IMMP2L: variants seen among roughly 807,000 people sequenced by gnomAD.
IMMP2L encodes mitochondrial inner membrane protease subunit 2.
A neutral mutation model predicts 19.3 loss-of-function variants in IMMP2L; 18 were observed. The ratio of observed to expected loss-of-function variants is 0.93; its 90% CI spans 0.64 to 1.38. The LOEUF (loss-of-function observed/expected upper bound fraction) is 1.38, where lower values mean the gene tolerates loss of function less well. Among genes scored for constraint, IMMP2L ranks in the 40% most tolerant of loss-of-function variants. The probability of loss-of-function intolerance (pLI) is 0.00; values close to 1 mark genes in which losing one functional copy is unlikely to be tolerated. For synonymous variants in IMMP2L, 76 were observed against 73.0 expected, an observed-to-expected ratio of 1.04 and a Z score of -0.21; for missense variants, 233 against 218.2, an observed-to-expected ratio of 1.07 and a Z score of -0.43.
intron 3 of IMMP2L, among the ~76,000 whole-genome samples, chr7:111,345,154 C>G (rs1827411636): frequency 6.6e-6 from 1 of 152,090 alleles, no homozygotes; most frequent in Admixed American, 6.6e-5. Context: ...ACATTATCCA[C>G]ATTTTAAGAT....
At chr7:111,508,021 A>T (rs931032073) in intron 2 of IMMP2L, among the ~76,000 whole-genome samples, 1 of 152,140 alleles carries the variant, frequency 6.6e-6, no homozygotes, top group Non-Finnish European at 1.5e-5. Flanking sequence ...ACACAAATCA[A>T]TGAGGGAGGC....
At chr7:111,157,125 T>C (rs1179203651) in intron 3 of IMMP2L, among the ~76,000 whole-genome samples, 3 of 152,038 alleles carry the variant, frequency 2.0e-5, no homozygotes, top group Admixed American at 2.0e-4. Flanking sequence ...GCACTGTTGG[T>C]GGGAATGTAA....
At chr7:111,357,971 C>G (rs1828880176) in intron 3 of IMMP2L, among the ~76,000 whole-genome samples, 1 of 151,840 alleles carries the variant, frequency 6.6e-6, no homozygotes, top group African/African-American at 2.4e-5. Context: ...CAAGCCACAG[C>G]AAGCCAAGGT....
At chr7:110,947,572 G>A (rs769560611) in intron 4 of IMMP2L, among the ~76,000 whole-genome samples, 1 of 152,140 alleles carries the variant, frequency 6.6e-6, no homozygotes, top group Non-Finnish European at 1.5e-5. Flanking sequence ...CCAGGGTTTT[G>A]TAAAGCTTAC....
intron 5 of IMMP2L, among the ~76,000 whole-genome samples, chr7:110,847,416 G>T (rs1194523935): frequency 1.3e-5 from 2 of 151,966 alleles, no homozygotes; most frequent in African/African-American, 4.8e-5. Context: ...TTTAATACAC[G>T]CTCATTTGAG....
chr7:111,235,008 T>TTATATAG (rs1415101509), intron 3 of IMMP2L, among the ~76,000 whole-genome samples: 1 of 152,130 alleles, frequency 6.6e-6, no homozygotes, highest in Non-Finnish European at 1.5e-5. Context: ...CTTTATTCCT[T>TTATATAG]TATATAGTCC....
At chr7:110,950,314 G>A (rs1209728504) in intron 4 of IMMP2L, among the ~76,000 whole-genome samples, 1 of 151,998 alleles carries the variant, frequency 6.6e-6, no homozygotes, top group East Asian at 1.9e-4. Context: ...TGTTTCATTG[G>A]TCTATAGGTA....
chr7:111,110,245 A>C (rs1179336840), intron 3 of IMMP2L, among the ~76,000 whole-genome samples: 1 of 152,228 alleles, frequency 6.6e-6, no homozygotes, highest in Non-Finnish European at 1.5e-5. Context: ...CATTAGGGAA[A>C]ATGATATTCT....
intron 3 of IMMP2L, among the ~76,000 whole-genome samples, chr7:111,077,006 G>A (rs1321856600): frequency 6.6e-6 from 1 of 152,232 alleles, no homozygotes; most frequent in East Asian, 1.9e-4. Context: ...TGCATGAGCT[G>A]AGTCTCAGGC....
intron 3 of IMMP2L, among the ~76,000 whole-genome samples, chr7:111,249,615 A>G (rs1043625229): frequency 2.0e-5 from 3 of 152,218 alleles, no homozygotes; most frequent in Non-Finnish European, 4.4e-5. Context: ...TAGAAGAGAA[A>G]GTCATATTTG....
chr7:111,165,982 AAG>A lies in IMMP2L; in HGVS notation c.240-202419_240-202418del, dbSNP rs140874495. Among the ~76,000 whole-genome samples, 372 of 152,260 alleles carry A rather than the reference AAG, an allele frequency of 2.4e-3. 1 individual carries two copies. The highest frequency in any genetic ancestry group is 8.2e-3 in the African/African-American group (341 of 41,584). On this transcript the variant is annotated intron_variant, in intron 3 of 5. Coordinates refer to ENST00000405709, the MANE Select transcript of IMMP2L (RefSeq NM_032549.4). ...TAAGTGAGTGATATATTCATCCTCA[AAG>A]AGAGCTCAATAACCTAACTAGGATT...
rs2129550880 is a variant in IMMP2L, at chr7:110,924,567, A to T, written c.306-37872T>A. 6.6e-6 allele frequency among the ~76,000 whole-genome samples: 1 copy of T among 152,280 alleles called. No individual in the cohort carries two copies. Among genetic ancestry groups the T allele is most frequent in the African/African-American group, 2.4e-5 (1 of 41,566 alleles). On this transcript the variant is annotated intron_variant, in intron 4 of 5. Coordinates refer to ENST00000405709, the MANE Select transcript of IMMP2L (RefSeq NM_032549.4). This position sits in a 1 kb window ranked among gnomAD's most constrained non-coding sequence, Gnocchi z 4.2. ...CTAATAATGTAAATAAAGGGCAGAT[A>T]ATAACGTCCTCACTAGGAAACAGGA...
chr7:111,525,179 G>C (rs934492038), intron 1 of IMMP2L, among the ~76,000 whole-genome samples: 1 of 152,144 alleles, frequency 6.6e-6, no homozygotes, highest in Non-Finnish European at 1.5e-5. Flanking sequence ...ACTGAAAAAT[G>C]AGGAGAACTT....
intron 5 of IMMP2L, among the ~76,000 whole-genome samples, chr7:110,796,026 T>G (rs1288503098): frequency 1.3e-5 from 2 of 152,028 alleles, no homozygotes; most frequent in Non-Finnish European, 2.9e-5. Flanking sequence ...ATGCTCTTCT[T>G]GTGATAGTGA....
At chr7:111,237,985 C>T (rs1327241412) in intron 3 of IMMP2L, among the ~76,000 whole-genome samples, 1 of 152,032 alleles carries the variant, frequency 6.6e-6, no homozygotes, top group Admixed American at 6.6e-5. Flanking sequence ...TGGCACTAAG[C>T]TGGCTATTAT....
At chr7:110,914,624 C>T (rs1563077039) in intron 4 of IMMP2L, among the ~76,000 whole-genome samples, 1 of 152,102 alleles carries the variant, frequency 6.6e-6, no homozygotes, top group Non-Finnish European at 1.5e-5. Context: ...CCAAGCTTTA[C>T]CATAAATGTG....
At chr7:111,212,338 G>T (rs1397988954) in intron 3 of IMMP2L, among the ~76,000 whole-genome samples, 2 of 152,174 alleles carry the variant, frequency 1.3e-5, no homozygotes, top group African/African-American at 4.8e-5. Context: ...GCCGGATGCA[G>T]TGCCTCACGC....
At chr7:110,773,284 C>T (rs936379615) in intron 5 of IMMP2L, among the ~76,000 whole-genome samples, 4 of 152,076 alleles carry the variant, frequency 2.6e-5, no homozygotes, top group Admixed American at 6.6e-5. Flanking sequence ...CCGCCTGGGG[C>T]GATAATCTTG....
chr7:111,383,855 A>T (rs1355793409), intron 3 of IMMP2L, among the ~76,000 whole-genome samples: 1 of 152,000 alleles, frequency 6.6e-6, no homozygotes, highest in Non-Finnish European at 1.5e-5. Context: ...ATGAATATTC[A>T]GTTTATATGT....
Sources: gnomAD v4.1 joint callset for allele counts (sites outside exome capture counted in the v4.1 genomes callset) on GRCh38, gnomAD v4.1.1 for gene constraint, Gnocchi (gnomAD v3.1) non-coding constraint, MANE v1.5 for transcripts, NCBI Gene and HGNC (gene_info 2026-07-23, HGNC 2026-07-21) for gene names.